The following TAF3 variants were observed in gnomAD, a reference collection of about 807,000 sequenced individuals.
The protein encoded by TAF3 is TATA-box binding protein associated factor 3, also known as transcription initiation factor TFIID subunit 3.
Under a neutral mutation model 80.6 loss-of-function variants are expected in TAF3, and 7 were observed. That is an observed-to-expected ratio of 0.09 (90% CI 0.05 to 0.16). The LOEUF (loss-of-function observed/expected upper bound fraction) is 0.16, where lower values mean the gene tolerates loss of function less well. Among genes scored for constraint, TAF3 ranks in the 10% least tolerant of loss-of-function variants. The probability of loss-of-function intolerance (pLI) is 1.00; values close to 1 mark genes in which losing one functional copy is unlikely to be tolerated. For synonymous variants in TAF3, 444 were observed against 446.1 expected, an observed-to-expected ratio of 1.00 and a Z score of 0.06; for missense variants, 921 against 1,140.2, an observed-to-expected ratio of 0.81 and a Z score of 2.77.
intron 2 of TAF3, among the ~76,000 whole-genome samples, chr10:7,945,743 C>A (rs1354746907): frequency 6.6e-6 from 1 of 152,218 alleles, no homozygotes; most frequent in South Asian, 2.1e-4. Flanking sequence ...CAGCTCTCAG[C>A]TGAAACATCT....
chr10:7,863,499 A>T (rs1312778), intron 2 of TAF3, among the ~76,000 whole-genome samples: 26,838 of 149,394 alleles, frequency 0.18, 2,500 homozygotes, highest in South Asian at 0.26. Flanking sequence ...TATCCCAGCT[A>T]CTCAGGAGGC....
chr10:7,865,023 A>G lies in TAF3; in HGVS notation c.409+40463A>G, dbSNP rs977920824. ...TGTTGAATTCCATTGCTATGGGAGAAGCTTGGTAGAAATGCCGGTGGATTT... is the reference window on the plus strand; with the variant it reads ...TGTTGAATTCCATTGCTATGGGAGAGGCTTGGTAGAAATGCCGGTGGATTT... On this transcript the variant is annotated intron_variant, in intron 2 of 6. Transcript: ENST00000344293. 5.3e-5 allele frequency among the ~76,000 whole-genome samples: 8 copies of G among 152,124 alleles called. No homozygotes were observed. In the South Asian group the frequency reaches 6.2e-4, roughly 12 times the overall value.
intron 2 of TAF3, among the ~76,000 whole-genome samples, chr10:7,844,939 C>T (rs1836954911): frequency 6.6e-6 from 1 of 152,132 alleles, no homozygotes. Flanking sequence ...TGCAATGTTG[C>T]ATCAAATATC....
chr10:7,940,786 C>G (rs923221582), intron 2 of TAF3, among the ~76,000 whole-genome samples: 2 of 151,990 alleles, frequency 1.3e-5, no homozygotes. Context: ...AAGACCCTGT[C>G]TCTGCAAAAA....
intron 2 of TAF3, among the ~76,000 whole-genome samples, chr10:7,853,298 C>A (rs1020659379): frequency 4.6e-5 from 7 of 152,076 alleles, no homozygotes; most frequent in African/African-American, 1.7e-4. Flanking sequence ...TATAACTGTG[C>A]CTCTGAACAC....
At chr10:7,934,908 G>A (rs766784532) in intron 2 of TAF3, among the ~76,000 whole-genome samples, 19 of 152,174 alleles carry the variant, frequency 1.2e-4, no homozygotes, top group Non-Finnish European at 2.1e-4. Flanking sequence ...ATACATCAGT[G>A]AATAAAACCA....
At chr10:7,960,766 A>G (rs1213266327) in intron 2 of TAF3, among the ~76,000 whole-genome samples, 1 of 152,140 alleles carries the variant, frequency 6.6e-6, no homozygotes, top group East Asian at 1.9e-4. Context: ...TCCCAGATGG[A>G]GAGGATTTTT....
rs542877597 is a variant in TAF3 at position 8,008,488 on chromosome 10, A to G, written c.2316-590A>G. 3.3e-5 allele frequency among the ~76,000 whole-genome samples: 5 copies of G among 152,358 alleles called. No individual in the cohort carries two copies. In the East Asian group the frequency reaches 9.6e-4, roughly 29 times the overall value. On this transcript the variant is annotated intron_variant, in intron 4 of 6. Coordinates refer to ENST00000344293, the MANE Select transcript of TAF3 (RefSeq NM_031923.4). ...TTTTATTGACAATGGCATTGAGAGT[A>G]TTAAGAAGAAACATTGGAATTAAGA...
chr10:7,899,983 C>T (rs1331004254), intron 2 of TAF3, among the ~76,000 whole-genome samples: 1 of 152,184 alleles, frequency 6.6e-6, no homozygotes, highest in Non-Finnish European at 1.5e-5. Context: ...TCGTTTTCCT[C>T]AGTGGACATG....
intron 2 of TAF3, among the ~76,000 whole-genome samples, chr10:7,912,200 C>T (rs1588549194): frequency 1.3e-5 from 2 of 151,886 alleles, no homozygotes; most frequent in South Asian, 4.2e-4. Flanking sequence ...AAGTTGAAGC[C>T]GTCTGTGTTA....
chr10:7,950,113 C>G (rs2131402780), intron 2 of TAF3, among the ~76,000 whole-genome samples: 1 of 152,262 alleles, frequency 6.6e-6, no homozygotes, highest in South Asian at 2.1e-4. Context: ...AGATGTGGTT[C>G]CCGTATCAGT....
At chr10:8,000,941 T>G (rs559527863) in intron 4 of TAF3, among the ~76,000 whole-genome samples, 1 of 152,364 alleles carries the variant, frequency 6.6e-6, no homozygotes, top group Admixed American at 6.5e-5. Flanking sequence ...CCTCCCTTTT[T>G]CTTGGATAGA....
chr10:7,912,259 G>GT (rs779815417), intron 2 of TAF3, among the ~76,000 whole-genome samples: 6 of 152,084 alleles, frequency 3.9e-5, no homozygotes, highest in Non-Finnish European at 8.8e-5. Flanking sequence ...TGATGGTTTA[G>GT]TTTTTTTATT....
At chr10:7,925,632 C>T (rs758390128) in intron 2 of TAF3, among the ~76,000 whole-genome samples, 8 of 151,488 alleles carry the variant, frequency 5.3e-5, no homozygotes, top group African/African-American at 1.7e-4. Context: ...GGTGAAACCC[C>T]GTTGCTACTA....
intron 2 of TAF3, among the ~76,000 whole-genome samples, chr10:7,931,854 T>C (rs1564365766): frequency 6.6e-6 from 1 of 152,234 alleles, no homozygotes; most frequent in Non-Finnish European, 1.5e-5. Flanking sequence ...AAGTATTGTT[T>C]TGTTGTCTTT....
chr10:7,997,208 T>C (rs1200084009), intron 4 of TAF3, among the ~76,000 whole-genome samples: 1 of 152,258 alleles, frequency 6.6e-6, no homozygotes, highest in Non-Finnish European at 1.5e-5. Context: ...AGTTTTTACC[T>C]GTGGCATCAT....
chr10:7,884,225 C>T (rs979547000), intron 2 of TAF3, among the ~76,000 whole-genome samples: 3 of 152,116 alleles, frequency 2.0e-5, no homozygotes, highest in South Asian at 2.1e-4. Context: ...CAGCTGTACC[C>T]GGTTTGGCCC....
intron 3 of TAF3, among the ~76,000 whole-genome samples, chr10:7,966,476 TC>T (rs1260703041): frequency 1.3e-5 from 2 of 152,218 alleles, no homozygotes; most frequent in Non-Finnish European, 2.9e-5. Flanking sequence ...GGGGCCTCAG[TC>T]CTCAGGCTGT....
At chr10:7,861,797 T>TC (rs112411140) in intron 2 of TAF3, among the ~76,000 whole-genome samples, 23,903 of 152,126 alleles carry the variant, frequency 0.16, 2,026 homozygotes, top group Admixed American at 0.22. Flanking sequence ...TCTTTTTTTT[T>TC]CTCAATGCTT....
Sources: allele counts gnomAD v4.1 joint callset (sites outside exome capture counted in the v4.1 genomes callset), GRCh38; gene constraint gnomAD v4.1.1; transcripts MANE v1.5; gene names NCBI Gene and HGNC (gene_info 2026-07-23, HGNC 2026-07-21).